The following SIPA1L2 variants were observed in gnomAD, a reference collection of about 807,000 sequenced individuals.
SIPA1L2 encodes signal induced proliferation associated 1 like 2, also known as signal-induced proliferation-associated 1-like protein 2.
A neutral mutation model predicts 163.9 loss-of-function variants in SIPA1L2; 56 were observed. The ratio of observed to expected loss-of-function variants is 0.34; its 90% CI spans 0.28 to 0.43. SIPA1L2 has a LOEUF of 0.43. Among genes scored for constraint, SIPA1L2 ranks in the 20% least tolerant of loss-of-function variants. The probability of loss-of-function intolerance (pLI) is 1.00; values close to 1 mark genes in which losing one functional copy is unlikely to be tolerated. For synonymous variants in SIPA1L2, 877 were observed against 865.7 expected, an observed-to-expected ratio of 1.01 and a Z score of -0.23; for missense variants, 1,974 against 2,193.5, an observed-to-expected ratio of 0.90 and a Z score of 2.00.
rs1304291340 is a variant in SIPA1L2 at position 232,398,321 on chromosome 1, AG to A, written c.*805del. On this transcript the variant is annotated 3_prime_UTR_variant, in exon 23 of 23. Coordinates refer to ENST00000674635, the MANE Select transcript of SIPA1L2 (RefSeq NM_020808.5). The stretch of plus-strand genomic sequence containing the variant: ...GTGGTTCCGCTGGCTCACAGCACAC[AG>A]GGAAGTTCTAGTGAGTAAGCAGATT... The A allele has an allele frequency of 2.6e-5, 4 of 152,674 alleles. No individual in the cohort carries two copies. The highest frequency in any genetic ancestry group is 9.6e-5 in the African/African-American group (4 of 41,458). The allele number at this position is 152,674 out of a possible 1,614,324, so 9.5% of individuals were successfully genotyped here. A position where few individuals can be genotyped will look rare whatever the true frequency, so the allele number is the denominator to read the frequency against.
chr1:232,571,604 AATGTGATCCC>A (rs1659732983), intron 2 of SIPA1L2, among the ~76,000 whole-genome samples: 1 of 152,230 alleles, frequency 6.6e-6, no homozygotes, highest in Non-Finnish European at 1.5e-5. Flanking sequence ...CTCATGTTGA[AATGTGATCCC>A]AGGGTTGGAG....
At chr1:232,479,160 A>AT (rs1341721249) in intron 7 of SIPA1L2, among the ~76,000 whole-genome samples, 2 of 152,178 alleles carry the variant, frequency 1.3e-5, no homozygotes, top group Admixed American at 1.3e-4. Flanking sequence ...ATGCACTCTG[A>AT]TTTTTTTCTC....
At chr1:232,542,865 T>C (rs16857617) in intron 2 of SIPA1L2, among the ~76,000 whole-genome samples, 5,782 of 152,284 alleles carry the variant, frequency 0.038, 350 homozygotes, top group African/African-American at 0.13. Context: ...TACTCCTCTC[T>C]GTGTGTCTGC....
chr1:232,428,027 C>T (rs560847824), intron 17 of SIPA1L2, among the ~76,000 whole-genome samples: 2 of 152,210 alleles, frequency 1.3e-5, no homozygotes, highest in African/African-American at 2.4e-5. Context: ...CTTCAGACAT[C>T]ACTTCTTATC....
At chr1:232,592,357 A>C (rs564757903) in intron 1 of SIPA1L2, among the ~76,000 whole-genome samples, 2 of 152,306 alleles carry the variant, frequency 1.3e-5, no homozygotes, top group South Asian at 4.1e-4. Context: ...AGAGGTAAAC[A>C]CATCTCAACT....
intron 2 of SIPA1L2, among the ~76,000 whole-genome samples, chr1:232,546,844 G>C (rs964327121): frequency 1.3e-5 from 2 of 152,204 alleles, no homozygotes; most frequent in African/African-American, 4.8e-5. Flanking sequence ...CACCTGTCAG[G>C]ATGGGGCTGA....
chr1:232,442,046 C>A (rs1314526872), intron 12 of SIPA1L2, among the ~76,000 whole-genome samples, 178 bp from the exon 13 acceptor site: 4 of 152,076 alleles, frequency 2.6e-5, no homozygotes, highest in Admixed American at 2.6e-4. Flanking sequence ...CTAAAAGCAT[C>A]TGAAATTGTG....
At chr1:232,478,426 T>C (rs1294870867) in intron 7 of SIPA1L2, among the ~76,000 whole-genome samples, 5 of 152,176 alleles carry the variant, frequency 3.3e-5, no homozygotes, top group Admixed American at 3.3e-4. Flanking sequence ...AAGGGGCTTC[T>C]TCCAACTAGT....
At chr1:232,428,253 A>G (rs1330378646) in intron 17 of SIPA1L2, among the ~76,000 whole-genome samples, 158 bp downstream of exon 17, 1 of 152,124 alleles carries the variant, frequency 6.6e-6, no homozygotes, top group Non-Finnish European at 1.5e-5. Flanking sequence ...GATACAATCA[A>G]AATTGGCAAC....
At chr1:232,568,024 T>C (rs931144213) in intron 2 of SIPA1L2, among the ~76,000 whole-genome samples, 2 of 152,238 alleles carry the variant, frequency 1.3e-5, no homozygotes, top group Non-Finnish European at 2.9e-5. Flanking sequence ...GTAAAGTACA[T>C]GGATGCTCTG....
chr1:232,411,294 C>T (rs917396826), intron 19 of SIPA1L2, among the ~76,000 whole-genome samples: 12 of 152,254 alleles, frequency 7.9e-5, no homozygotes, highest in Non-Finnish European at 1.2e-4. Flanking sequence ...CAAAAGATCA[C>T]GAGGTCTCCA....
chr1:232,479,724 G>T lies in SIPA1L2; in HGVS notation c.1988C>A (p.Ser663Tyr). The T allele has an allele frequency of 6.2e-7, 1 of 1,612,966 alleles. No homozygotes were observed. Among genetic ancestry groups the T allele is most frequent in the South Asian group, 1.1e-5 (1 of 91,014 alleles). Residue 663 changes from serine (S) to tyrosine (Y), a missense_variant, in exon 7 of 23, where the codon TCC becomes TAC. Around this residue, in one of 3 missense-constraint regions of SIPA1L2, gnomAD observed 288 missense variants for 418.9 expected, o/e 0.69. Transcript: ENST00000674635. ...GGTATAGAGAGAGTGCGTGCCCGTG[G>T]AATCAGCTGAAAACAAAGATGAATT... The part of the protein sequence containing the change: ...YRAQLDNKTD[S>Y]TGTHSLYTTY...
intron 1 of SIPA1L2, among the ~76,000 whole-genome samples, chr1:232,586,008 G>A (rs1045893140): frequency 6.6e-6 from 1 of 152,098 alleles, no homozygotes; most frequent in South Asian, 2.1e-4. Context: ...AATAGAGTTG[G>A]AATATTTCAA....
intron 2 of SIPA1L2, among the ~76,000 whole-genome samples, chr1:232,562,805 A>G (rs888864618): frequency 7.2e-5 from 11 of 152,232 alleles, no homozygotes; most frequent in Non-Finnish European, 1.5e-4. Flanking sequence ...TACAAACAAA[A>G]AAATGCTTCA....
intron 2 of SIPA1L2, among the ~76,000 whole-genome samples, chr1:232,519,042 G>A (rs1039142680): frequency 6.6e-6 from 1 of 151,930 alleles, no homozygotes; most frequent in Admixed American, 6.6e-5. Flanking sequence ...CCTATGAATG[G>A]TTGTTAACAC....
At position 232,564,126 on chromosome 1, in the gene SIPA1L2, C is replaced by T. The variant is rs561995334; in HGVS notation, c.-270+10048G>A. Among the ~76,000 whole-genome samples the T allele has an allele frequency of 1.3e-4, 11 of 84,520 alleles. No individual in the cohort carries two copies. The East Asian group carries it at 3.2e-3, about 25-fold the overall frequency. 55.4% of individuals were successfully genotyped at this position (84,520 alleles called of 152,430 possible). On this transcript the variant is annotated intron_variant, in intron 2 of 22. Coordinates refer to ENST00000674635, the MANE Select transcript of SIPA1L2 (RefSeq NM_020808.5). ...TCATCATGTTGGCCAGACTGAACGA[C>T]GAAGGTTGTTTTTTTTTTTTTTCGT...
intron 10 of SIPA1L2, among the ~76,000 whole-genome samples, chr1:232,448,429 C>T (rs1315839646): frequency 6.6e-6 from 1 of 152,302 alleles, no homozygotes; most frequent in East Asian, 1.9e-4. Context: ...TCTATTAGAA[C>T]AAGGGATCAC....
chr1:232,552,867 T>A (rs1462641478), intron 2 of SIPA1L2, among the ~76,000 whole-genome samples: 1 of 152,038 alleles, frequency 6.6e-6, no homozygotes, highest in Non-Finnish European at 1.5e-5. Context: ...TGGCACCCCT[T>A]ATGGAGGGGG....
chr1:232,521,852 T>C (rs1332318770), intron 2 of SIPA1L2, among the ~76,000 whole-genome samples: 1 of 152,164 alleles, frequency 6.6e-6, no homozygotes, highest in African/African-American at 2.4e-5. Context: ...AACCTCATAG[T>C]CTCATATGCC....
Sources: allele counts gnomAD v4.1 joint callset (sites outside exome capture counted in the v4.1 genomes callset), GRCh38; gene constraint gnomAD v4.1.1; regional missense constraint gnomAD v4.1.1; transcripts MANE v1.5; gene names NCBI Gene and HGNC (gene_info 2026-07-23, HGNC 2026-07-21).